Variants in RGS6 observed in about 807,000 individuals in gnomAD.
The protein encoded by RGS6 is regulator of G protein signaling 6, also known as regulator of G-protein signaling 6.
A neutral mutation model predicts 78.5 loss-of-function variants in RGS6; 30 were observed. The ratio of observed to expected loss-of-function variants is 0.38; its 90% CI spans 0.29 to 0.52. The LOEUF is 0.52. Ranked by LOEUF, RGS6 falls within the 20% of genes least tolerant of loss-of-function variation. The pLI is 0.85. For synonymous variants in RGS6, 206 were observed against 206.0 expected (o/e 1.00, Z 0.00); for missense variants, 495 against 609.7 (o/e 0.81, Z 1.98).
intron 2 of RGS6, among the ~76,000 whole-genome samples, chr14:72,258,873 T>C (rs2057584483): frequency 6.6e-6 from 1 of 152,288 alleles, no homozygotes; most frequent in Non-Finnish European, 1.5e-5. Context: ...AGTTGTACCT[T>C]TTGTGCAGAT....
chr14:72,039,635 A>G (rs1230873698), intron 2 of RGS6, among the ~76,000 whole-genome samples: 1 of 152,018 alleles, frequency 6.6e-6, no homozygotes, highest in Non-Finnish European at 1.5e-5. Context: ...TTGTTTTTTA[A>G]TTCCTTCAGC....
chr14:72,435,261 T>C (rs1381255349), intron 3 of RGS6, among the ~76,000 whole-genome samples: 1 of 152,242 alleles, frequency 6.6e-6, no homozygotes, highest in Admixed American at 6.5e-5. Flanking sequence ...GTGAGAAGAA[T>C]ACATTTCTGT....
intron 2 of RGS6, among the ~76,000 whole-genome samples, chr14:72,272,564 T>C (rs2060101141): frequency 6.6e-6 from 1 of 152,220 alleles, no homozygotes; most frequent in African/African-American, 2.4e-5. Flanking sequence ...GCAGTGCCAT[T>C]ATTTCAGCAT....
the RGS6 span, among the ~76,000 whole-genome samples, chr14:71,873,496 T>C: frequency 6.6e-6 from 1 of 152,206 alleles, no homozygotes; most frequent in African/African-American, 2.4e-5. Flanking sequence ...GTTTTTTGAT[T>C]TTTTCTTGTA....
intron 2 of RGS6, among the ~76,000 whole-genome samples, chr14:72,057,088 C>T (rs1334652095): frequency 2.0e-5 from 3 of 151,860 alleles, no homozygotes; most frequent in African/African-American, 2.4e-5. Flanking sequence ...CCGAGGCAGG[C>T]GGATCACTTG....
intron 2 of RGS6, among the ~76,000 whole-genome samples, chr14:72,030,615 T>TA (rs2090700359): frequency 6.6e-6 from 1 of 152,230 alleles, no homozygotes; most frequent in African/African-American, 2.4e-5. Context: ...GGCTTTTTAC[T>TA]GCACCTGGAG....
chr14:72,548,086 T>C (rs996021066), intron 17 of RGS6, among the ~76,000 whole-genome samples: 2 of 151,578 alleles, frequency 1.3e-5, no homozygotes, highest in Non-Finnish European at 2.9e-5. Context: ...GGGGAGAGGG[T>C]GTATTAATCC....
At chr14:72,400,866 C>A (rs1420780157) in intron 3 of RGS6, among the ~76,000 whole-genome samples, 1 of 152,170 alleles carries the variant, frequency 6.6e-6, no homozygotes. Context: ...TCGGTCTTTT[C>A]CAGATTCACA....
intron 2 of RGS6, among the ~76,000 whole-genome samples, chr14:72,132,312 T>C (rs2096340393): frequency 6.6e-6 from 1 of 151,502 alleles, no homozygotes; most frequent in Non-Finnish European, 1.5e-5. Flanking sequence ...AGTCTCACTC[T>C]GTTGCCCAGG....
chr14:72,289,395 T>A (rs2063176622), intron 2 of RGS6, among the ~76,000 whole-genome samples: 1 of 152,002 alleles, frequency 6.6e-6, no homozygotes, highest in Admixed American at 6.6e-5. Context: ...GAAAGCTTAT[T>A]GTCAGGATGA....
At chr14:72,218,070 T>C (rs1258423746) in intron 2 of RGS6, among the ~76,000 whole-genome samples, 2 of 152,184 alleles carry the variant, frequency 1.3e-5, no homozygotes, top group Non-Finnish European at 2.9e-5. Flanking sequence ...TAGTTTTCTA[T>C]GGAATGGATT....
intron 2 of RGS6, among the ~76,000 whole-genome samples, chr14:72,349,351 G>A (rs898780960): frequency 1.1e-4 from 16 of 152,056 alleles, no homozygotes; most frequent in Non-Finnish European, 2.2e-4. Context: ...CAAGAGAAGG[G>A]AGTAACTACA....
At chr14:72,409,946 C>G (rs954150969) in intron 3 of RGS6, among the ~76,000 whole-genome samples, 1 of 152,184 alleles carries the variant, frequency 6.6e-6, no homozygotes, top group Non-Finnish European at 1.5e-5. Context: ...GCCACATTTT[C>G]TTAATCCAGT....
At chr14:72,225,964 A>G (rs1402566974) in intron 2 of RGS6, among the ~76,000 whole-genome samples, 2 of 152,040 alleles carry the variant, frequency 1.3e-5, no homozygotes, top group East Asian at 3.9e-4. Flanking sequence ...AACATTTGGG[A>G]TTTTTGCTGC....
At chr14:72,246,196 A>G (rs2054177028) in intron 2 of RGS6, among the ~76,000 whole-genome samples, 1 of 152,230 alleles carries the variant, frequency 6.6e-6, no homozygotes, top group African/African-American at 2.4e-5. Flanking sequence ...CAACCCAGCT[A>G]TACTCAGCTG....
intron 17 of RGS6, among the ~76,000 whole-genome samples, chr14:72,555,514 A>C (rs980248449): frequency 6.6e-6 from 1 of 152,196 alleles, no homozygotes; most frequent in Non-Finnish European, 1.5e-5. Context: ...AGTTGAGAAA[A>C]TCACCCTGCA....
At chr14:72,209,351 G>T (rs750413164) in intron 2 of RGS6, among the ~76,000 whole-genome samples, 6 of 152,100 alleles carry the variant, frequency 3.9e-5, no homozygotes, top group Non-Finnish European at 8.8e-5. Flanking sequence ...AATCTTTTGA[G>T]TTCAAAATGC....
intron 9 of RGS6, 77 bp from the exon 10 acceptor site, chr14:72,474,548 C>G (rs1598047255): frequency 3.0e-6 from 4 of 1,322,816 alleles, no homozygotes; most frequent in Non-Finnish European, 2.1e-6. Flanking sequence ...AAGATTGGTC[C>G]TGATGGTGTG....
chr14:72,301,040 A>G (rs139195246), intron 2 of RGS6, among the ~76,000 whole-genome samples: 1 of 152,322 alleles, frequency 6.6e-6, no homozygotes, highest in Admixed American at 6.5e-5. Context: ...TCTTGATTTG[A>G]TACACTGGTG....
Sources: gnomAD v4.1 joint callset for allele counts (sites outside exome capture counted in the v4.1 genomes callset) on GRCh38, gnomAD v4.1.1 for gene constraint, MANE v1.5 for transcripts, NCBI Gene and HGNC (gene_info 2026-07-23, HGNC 2026-07-21) for gene names.